ZNF644: variants seen among roughly 807,000 people sequenced by gnomAD.
ZNF644 encodes the protein zinc finger motif enhancer binding protein 2.
In ZNF644, 20 loss-of-function variants were observed where a neutral mutation model predicts 108.0. The ratio of observed to expected loss-of-function variants is 0.19; its 90% CI spans 0.13 to 0.27. The LOEUF (loss-of-function observed/expected upper bound fraction) is 0.27, where lower values mean the gene tolerates loss of function less well. Ranked by LOEUF, ZNF644 falls within the 10% of genes least tolerant of loss-of-function variation. The probability of loss-of-function intolerance (pLI) is 1.00; values close to 1 mark genes in which losing one functional copy is unlikely to be tolerated. For synonymous variants in ZNF644, 542 were observed against 539.1 expected (o/e 1.01, Z -0.08); for missense variants, 1,338 against 1,548.9 (o/e 0.86, Z 2.29).
chr1:90,972,891 T>C (rs1655635403), intron 2 of ZNF644: 1 of 152,214 alleles, frequency 6.6e-6, no homozygotes, highest in African/African-American at 2.4e-5. Context: ...ATTCTGCTTA[T>C]GAGACACTTA....
At chr1:90,923,796 G>C (rs1044001374) in intron 4 of ZNF644, among the ~76,000 whole-genome samples, 3 of 152,074 alleles carry the variant, frequency 2.0e-5, no homozygotes, top group African/African-American at 4.8e-5. Context: ...GATTTCCTTT[G>C]CTTTAAGAAT....
intron 4 of ZNF644, among the ~76,000 whole-genome samples, chr1:90,924,706 C>T (rs1488717176): frequency 6.6e-6 from 1 of 151,996 alleles, no homozygotes; most frequent in African/African-American, 2.4e-5. Context: ...CGTGTAATTC[C>T]AGCCAAAATT....
chr1:90,919,630 C>A (rs866701034), intron 4 of ZNF644, among the ~76,000 whole-genome samples: 52 of 152,006 alleles, frequency 3.4e-4, no homozygotes, highest in Admixed American at 5.9e-4. Context: ...TAAAGAACTA[C>A]TAGAAGTCAA....
chr1:90,979,721 G>C (rs984609258), intron 2 of ZNF644, among the ~76,000 whole-genome samples: 9 of 151,942 alleles, frequency 5.9e-5, no homozygotes, highest in African/African-American at 2.2e-4. Context: ...TCTTCTACTT[G>C]TATTAGTCTA....
intron 1 of ZNF644, among the ~76,000 whole-genome samples, chr1:90,986,934 C>G (rs1164083219): frequency 4.0e-5 from 6 of 151,194 alleles, no homozygotes; most frequent in African/African-American, 1.5e-4. Context: ...ACCAATGGGT[C>G]AAAGAAATTA....
chr1:90,940,071 T>C lies in ZNF644; in HGVS notation c.1283A>G (p.His428Arg). ...NFREKKHLHR[H>R]MMYHLDGNSH... ...ATTCCCATCTAAATGATACATCATA[T>C]GCCTGTGGAGGTGCTTCTTCTCCCT... is the stretch of plus-strand genomic sequence containing the variant. The change falls in exon 3 of 6, where the codon CAT (histidine) becomes CGT (arginine). Residue 428 changes from histidine to arginine, a missense_variant. Transcript: ENST00000337393. The C allele has an allele frequency of 6.2e-7, 1 of 1,614,098 alleles. No homozygotes were observed. The highest frequency in any genetic ancestry group is 8.5e-7 in the Non-Finnish European group (1 of 1,179,968).
chr1:90,964,021 T>C (rs527278159), intron 2 of ZNF644, among the ~76,000 whole-genome samples: 1 of 152,272 alleles, frequency 6.6e-6, no homozygotes, highest in East Asian at 1.9e-4. Context: ...ATTATGGTAT[T>C]AGATGTCAAG....
intron 1 of ZNF644, among the ~76,000 whole-genome samples, chr1:91,005,213 A>G (rs1659301080): frequency 6.6e-6 from 1 of 152,170 alleles, no homozygotes; most frequent in Non-Finnish European, 1.5e-5. Flanking sequence ...AACAGACATT[A>G]AGACAAAAAA....
chr1:91,013,787 T>C (rs1463097278), intron 1 of ZNF644, among the ~76,000 whole-genome samples: 2 of 152,188 alleles, frequency 1.3e-5, no homozygotes, highest in Non-Finnish European at 2.9e-5. Context: ...GCTTTAAGTA[T>C]GTAATACTAA....
intron 1 of ZNF644, among the ~76,000 whole-genome samples, chr1:91,009,050 A>G (rs1659702026): frequency 6.6e-6 from 1 of 152,154 alleles, no homozygotes; most frequent in South Asian, 2.1e-4. Flanking sequence ...CCTGGGCAAC[A>G]AAGTGCGACC....
Position 90,976,958 on chromosome 1 carries a change from C to T in ZNF644, c.44+5352G>A, listed in dbSNP as rs185836057. Among the ~76,000 whole-genome samples the T allele has an allele frequency of 1.9e-3, 282 of 151,882 alleles. 2 individuals are homozygous for T. The highest frequency in any genetic ancestry group is 3.4e-3 in the Middle Eastern group (1 of 294). ...ATTTGTAAAAATAACTCAGAGAAATCCATCACAGAAACATTAAGGATTTTC... is the reference window on the plus strand; with the variant it reads ...ATTTGTAAAAATAACTCAGAGAAATTCATCACAGAAACATTAAGGATTTTC... On this transcript the variant is annotated intron_variant, in intron 2 of 5. Coordinates refer to ENST00000337393, the MANE Select transcript of ZNF644 (RefSeq NM_201269.3).
chr1:90,916,624 T>A lies in ZNF644; in HGVS notation c.*174A>T. 1 of 685,036 alleles carries A rather than the reference T, an allele frequency of 1.5e-6. No individual in the cohort carries two copies. Among genetic ancestry groups the A allele is most frequent in the Non-Finnish European group, 2.4e-6 (1 of 409,236 alleles). 42.4% of individuals were successfully genotyped at this position (685,036 alleles called of 1,614,324 possible). A position where few individuals can be genotyped will look rare whatever the true frequency, so the allele number is the denominator to read the frequency against. On this transcript the variant is annotated 3_prime_UTR_variant, in exon 6 of 6. Transcript: ENST00000337393. ...AACACATCTTCCACCCTATATAAAA[T>A]ATATAGACTACTTACTGTTTTAAGT...
intron 1 of ZNF644, among the ~76,000 whole-genome samples, chr1:91,008,555 C>G (rs916782087): frequency 9.2e-5 from 14 of 152,164 alleles, no homozygotes; most frequent in African/African-American, 3.4e-4. Flanking sequence ...ACTAGTTCAT[C>G]AGGATAATCA....
At chr1:90,921,632 A>T (rs1173055156) in intron 4 of ZNF644, among the ~76,000 whole-genome samples, 6 of 152,106 alleles carry the variant, frequency 3.9e-5, no homozygotes, top group African/African-American at 1.4e-4. Flanking sequence ...GATCAATTTC[A>T]ACCAAAAGAC....
At chr1:91,000,501 A>C (rs1157755728) in intron 1 of ZNF644, among the ~76,000 whole-genome samples, 1 of 152,196 alleles carries the variant, frequency 6.6e-6, no homozygotes, top group Non-Finnish European at 1.5e-5. Flanking sequence ...GAGAATAAAG[A>C]CACAACACAC....
intron 2 of ZNF644, among the ~76,000 whole-genome samples, chr1:90,951,470 G>A (rs570627001): frequency 2.0e-5 from 3 of 152,002 alleles, no homozygotes; most frequent in Non-Finnish European, 4.4e-5. Context: ...CTCTACTAGC[G>A]TAAGGCCTTA....
intron 2 of ZNF644, among the ~76,000 whole-genome samples, chr1:90,962,485 T>A (rs192854683): frequency 3.5e-4 from 54 of 152,162 alleles, no homozygotes; most frequent in African/African-American, 1.1e-3. Flanking sequence ...TCACACATTA[T>A]ACAAAAATCA....
At chr1:90,999,560 C>T (rs1658540690) in intron 1 of ZNF644, among the ~76,000 whole-genome samples, 1 of 152,164 alleles carries the variant, frequency 6.6e-6, no homozygotes, top group South Asian at 2.1e-4. Flanking sequence ...AAAGGAACAT[C>T]CGGTACCAGC....
rs74592874 is a variant in ZNF644, at chr1:90,915,610, T to C, written c.*1188A>G. 1.0e-3 allele frequency: 158 copies of C among 152,718 alleles called. No homozygotes were observed. Among genetic ancestry groups the C allele is most frequent in the African/African-American group, 3.6e-3 (149 of 41,570 alleles). The allele number at this position is 152,718 out of a possible 1,614,324, so 9.5% of individuals were successfully genotyped here. A position where few individuals can be genotyped will look rare whatever the true frequency, so the allele number is the denominator to read the frequency against. On this transcript the variant is annotated 3_prime_UTR_variant, in exon 6 of 6. Coordinates refer to ENST00000337393, the MANE Select transcript of ZNF644 (RefSeq NM_201269.3). ...AAAATTTTTAAAAAGAATCACAATT[T>C]ATCATGACCAAGACACCTGCACCAT...
Sources: gnomAD v4.1 joint callset for allele counts (sites outside exome capture counted in the v4.1 genomes callset) on GRCh38, gnomAD v4.1.1 for gene constraint, MANE v1.5 for transcripts, NCBI Gene and HGNC (gene_info 2026-07-23, HGNC 2026-07-21) for gene names.